The following EI24 variants were observed in gnomAD, a reference collection of about 807,000 sequenced individuals.
The protein encoded by EI24 is EI24 autophagy associated transmembrane protein.
A neutral mutation model predicts 48.6 loss-of-function variants in EI24; 21 were observed. The ratio of observed to expected loss-of-function variants is 0.43; its 90% confidence interval spans 0.31 to 0.62. EI24 has a LOEUF of 0.62. EI24 is among the 20% of genes least tolerant of loss of function. The probability of loss-of-function intolerance (pLI) is 0.10; values close to 1 mark genes in which losing one functional copy is unlikely to be tolerated. For synonymous variants in EI24, 114 were observed against 145.5 expected (o/e 0.78, Z 1.56); for missense variants, 280 against 410.5 (o/e 0.68, Z 2.75).
intron 2 of EI24, among the ~76,000 whole-genome samples, chr11:125,574,132 A>G (rs1938641066): frequency 6.6e-6 from 1 of 152,086 alleles, no homozygotes; most frequent in Non-Finnish European, 1.5e-5. Flanking sequence ...ACATGCCTAT[A>G]ATCCCAGCTA....
intron 5 of EI24, 66 bp downstream of exon 5, chr11:125,577,636 A>G: frequency 7.6e-7 from 1 of 1,322,064 alleles, no homozygotes; most frequent in Non-Finnish European, 1.1e-6. Flanking sequence ...AGTCTCCCTC[A>G]GTTTACTGAA....
At chr11:125,569,623 TTC>T (rs1027331814) in intron 1 of EI24, 50 bp downstream of exon 1, 2 of 351,364 alleles carry the variant, frequency 5.7e-6, no homozygotes, top group African/African-American at 2.1e-5. Flanking sequence ...GCGCCGCCCA[TTC>T]TGAGTGGCAG....
chr11:125,575,345 G>T lies in EI24; in HGVS notation c.125G>T (p.Arg42Leu). The change falls in exon 3 of 11, where the codon CGA becomes CTA. Residue 42 changes from arginine (R) to leucine (L), a missense_variant. Physicochemically the swap from Arg to Leu is moderately radical, Grantham distance 102. Coordinates refer to ENST00000278903, the MANE Select transcript of EI24 (RefSeq NM_004879.5). ...RIQQKREEQR[R>L]RRASSVLAQR... ...CAGCAAAAGAGAGAGGAGCAGCGTC[G>T]AAGAAGGGCAAGTAGTGTCTTGGCA... 1 of 1,583,876 alleles carries T rather than the reference G, an allele frequency of 6.3e-7. No homozygotes were observed. Among genetic ancestry groups the T allele is most frequent in the East Asian group, 2.3e-5 (1 of 43,422 alleles).
chr11:125,575,374 A>C lies in EI24; in HGVS notation c.154A>C (p.Arg52=), dbSNP rs773562358. 6.3e-7 allele frequency: 1 copy of C among 1,593,954 alleles called. No individual in the cohort carries two copies. The highest frequency in any genetic ancestry group is 1.1e-5 in the South Asian group (1 of 87,314). Residue 52 remains arginine, a synonymous_variant, in exon 3 of 11, where the codon AGA becomes CGA. Coordinates refer to ENST00000278903, the MANE Select transcript of EI24 (RefSeq NM_004879.5). Reference sequence around the variant, plus strand: ...AAGGGCAAGTAGTGTCTTGGCACAGAGAAGAGCCCAGAGTATAGAGCGGAA... The same window carrying C: ...AAGGGCAAGTAGTGTCTTGGCACAGCGAAGAGCCCAGAGTATAGAGCGGAA... ...RRRASSVLAQ[R]RAQSIERKQE... is the part of the protein sequence containing the mutation.
intron 2 of EI24, 137 bp from the exon 3 acceptor site, chr11:125,575,126 C>CT: frequency 1.5e-6 from 1 of 689,460 alleles, no homozygotes; most frequent in African/African-American, 1.8e-5. Flanking sequence ...CTTTGGGAGG[C>CT]TGAGGCAGGA....
intron 8 of EI24, 27 bp from the exon 9 acceptor site, chr11:125,581,184 C>A: frequency 6.7e-7 from 1 of 1,502,820 alleles, no homozygotes; most frequent in South Asian, 1.1e-5. Context: ...AATATAATAT[C>A]TAATTGTATT....
At chr11:125,574,292 G>A (rs1175526946) in intron 2 of EI24, among the ~76,000 whole-genome samples, 1 of 151,930 alleles carries the variant, frequency 6.6e-6, no homozygotes, top group Non-Finnish European at 1.5e-5. Flanking sequence ...GTTCTACAGT[G>A]TGCTATTTAC....
intron 4 of EI24, 27 bp downstream of exon 4, chr11:125,576,342 T>C (rs1275853804): frequency 6.2e-7 from 1 of 1,606,360 alleles, no homozygotes; most frequent in Non-Finnish European, 8.5e-7. Context: ...CCAGGTGCCT[T>C]ATAAGCATCT....
intron 4 of EI24, among the ~76,000 whole-genome samples, 166 bp from the exon 5 acceptor site, chr11:125,577,338 T>C (rs1938790072): frequency 6.6e-6 from 1 of 152,240 alleles, no homozygotes; most frequent in Non-Finnish European, 1.5e-5. Context: ...GTGATCTGCC[T>C]GCCTTGGCCT....
chr11:125,572,681 T>A, intron 2 of EI24, 112 bp downstream of exon 2: 2 of 1,000,196 alleles, frequency 2.0e-6, no homozygotes, highest in Non-Finnish European at 3.0e-6. Flanking sequence ...ATTTCTTGGG[T>A]TCTTTACATA....
Position 125,577,544 on chromosome 11 carries a change from T to C in EI24, c.290T>C (p.Leu97Pro), listed in dbSNP as rs1184018568. The C allele has an allele frequency of 9.3e-6, 15 of 1,613,860 alleles. No homozygotes were observed. The Admixed American group carries it at 2.5e-4, about 27-fold the overall frequency. The change falls in exon 5 of 11, where the codon CTT becomes CCT. Residue 97 changes from leucine to proline, a missense_variant. Leu to Pro is a moderately conservative substitution (Grantham distance 98). Around this residue, in one of 3 missense-constraint regions of EI24, gnomAD observed 204 missense variants for 294.1 expected, o/e 0.69. Transcript: ENST00000278903. ...LLFYRVFIPV[L>P]QSVTARIIGD... ...TTTTATCGAGTATTTATTCCTGTGC[T>C]TCAGTCGGTAACAGCCCGAATTATC...
In EI24 at chr11:125,578,138, C is replaced by T. The variant is rs1164887003; in HGVS notation, c.322C>T (p.Pro108Ser). The change falls in exon 6 of 11, where the codon CCA (proline) becomes TCA (serine). Residue 108 changes from proline (P) to serine (S), a missense_variant. Pro to Ser is a moderately conservative substitution (Grantham distance 74, BLOSUM62 -1). Around this residue, in one of 3 missense-constraint regions of EI24, gnomAD observed 204 missense variants for 294.1 expected, o/e 0.69. Transcript: ENST00000278903. The part of the protein sequence containing the change: ...QSVTARIIGD[P>S]SLHGDVWSWL... ...ACTCGTTTCCTCTTTCTTAGGTGAC[C>T]CATCACTACATGGAGATGTTTGGTC... The T allele has an allele frequency of 6.2e-7, 1 of 1,613,036 alleles. No individual in the cohort carries two copies. Among genetic ancestry groups the T allele is most frequent in the Non-Finnish European group, 8.5e-7 (1 of 1,179,886 alleles).
Position 125,583,113 on chromosome 11 carries a change from T to G in EI24, c.861-408T>G, listed in dbSNP as rs191030850. Among the ~76,000 whole-genome samples the G allele has an allele frequency of 5.9e-5, 9 of 152,350 alleles. No individual in the cohort carries two copies. The East Asian group carries it at 1.7e-3, about 29-fold the overall frequency. Reference sequence around the variant, plus strand: ...CAGCAGGGCCCAATGCATTCTTTTTTTTTTTGAGACGGAGTCTCGCTCTGT... The same window carrying G: ...CAGCAGGGCCCAATGCATTCTTTTTGTTTTTGAGACGGAGTCTCGCTCTGT... On this transcript the variant is annotated intron_variant, in intron 10 of 10. Transcript: ENST00000278903.
intron 10 of EI24, 93 bp downstream of exon 10, chr11:125,582,513 C>T: frequency 1.0e-6 from 1 of 954,992 alleles, no homozygotes; most frequent in African/African-American, 1.7e-5. Context: ...AAAAAAAATT[C>T]TTACTGTAGG....
At position 125,571,486 on chromosome 11, in the gene EI24, CTGTT is replaced by C. The variant is rs549011179; in HGVS notation, c.-70-970_-70-967del. Among the ~76,000 whole-genome samples the C allele has an allele frequency of 1.2e-3, 189 of 152,334 alleles. 1 individual carries two copies. The highest frequency in any genetic ancestry group is 4.4e-3 in the African/African-American group (182 of 41,578). On this transcript the variant is annotated intron_variant, in intron 1 of 10. Transcript: ENST00000278903. Reference sequence around the variant, plus strand: ...TGGGAAAGCCTTACTGTTTTAAAGACTGTTTATACATATGAACTTTTTTGAGGCC... The same window carrying C: ...TGGGAAAGCCTTACTGTTTTAAAGACTATACATATGAACTTTTTTGAGGCC...
intron 2 of EI24, 36 bp from the exon 3 acceptor site, chr11:125,575,227 A>AAATAAT (rs753141659): frequency 4.0e-6 from 6 of 1,491,916 alleles, no homozygotes; most frequent in African/African-American, 1.4e-5. Context: ...ACCCTGTCTC[A>AAATAAT]AATAATAATA....
At chr11:125,575,823 C>T (rs1339823381) in intron 3 of EI24, 2 of 344,804 alleles carry the variant, frequency 5.8e-6, no homozygotes, top group East Asian at 1.8e-4. Flanking sequence ...GCCCTGTCAC[C>T]AAGCTGTCAC....
At position 125,578,976 on chromosome 11, in the gene EI24, T is replaced by C; in HGVS notation, c.469T>C (p.Ser157Pro). 2 of 1,591,372 alleles carry C rather than the reference T, an allele frequency of 1.3e-6. No homozygotes were observed. Among genetic ancestry groups the C allele is most frequent in the Non-Finnish European group, 1.7e-6 (2 of 1,167,938 alleles). ...TATAGCTGACCTGGCATTTGAGGTA[T>C]CAGGGAGGAAGCCTCACCCATTCCC... ...QDIADLAFEV[S>P]GRKPHPFPSV... Residue 157 changes from serine to proline, a missense_variant, in exon 7 of 11, where the codon TCA (serine) becomes CCA (proline). By Grantham distance (74) the Ser-to-Pro change is moderately conservative (BLOSUM62 -1). Around this residue, in one of 3 missense-constraint regions of EI24, gnomAD observed 204 missense variants for 294.1 expected, o/e 0.69. Coordinates refer to ENST00000278903, the MANE Select transcript of EI24 (RefSeq NM_004879.5).
At chr11:125,573,575 C>A in intron 2 of EI24, 1 of 291,576 alleles carries the variant, frequency 3.4e-6, no homozygotes, top group South Asian at 2.9e-5. Flanking sequence ...TACCAGTGCA[C>A]TATAGCAGGG....
Sources: gnomAD v4.1 joint callset for allele counts (sites outside exome capture counted in the v4.1 genomes callset) on GRCh38, gnomAD v4.1.1 for gene constraint, gnomAD v4.1.1 regional missense constraint, MANE v1.5 for transcripts, NCBI Gene and HGNC (gene_info 2026-07-23, HGNC 2026-07-21) for gene names.